The following TBC1D5 variants were observed in gnomAD, a reference collection of about 807,000 sequenced individuals.
TBC1D5 encodes TBC1 domain family member 5, also known as TBC1 domain family, member 5.
In TBC1D5, 75 loss-of-function variants were observed where a neutral mutation model predicts 100.3. The ratio of observed to expected loss-of-function variants is 0.75; its 90% confidence interval spans 0.62 to 0.91. The LOEUF (loss-of-function observed/expected upper bound fraction) is 0.91, where lower values mean the gene tolerates loss of function less well. Ranked by LOEUF, TBC1D5 falls within the 40% of genes least tolerant of loss-of-function variation. The probability of loss-of-function intolerance (pLI) is 0.00; values close to 1 mark genes in which losing one functional copy is unlikely to be tolerated. For synonymous variants in TBC1D5, 323 were observed against 325.6 expected (o/e 0.99, Z 0.09); for missense variants, 910 against 942.4 (o/e 0.97, Z 0.45).
chr3:17,680,824 C>G (rs1368553620), intron 1 of TBC1D5, among the ~76,000 whole-genome samples: 1 of 151,276 alleles, frequency 6.6e-6, no homozygotes, highest in African/African-American at 2.5e-5. Flanking sequence ...ACAGGGTCCC[C>G]TTTTTTGTTT....
chr3:17,356,777 T>C (rs781100242), intron 13 of TBC1D5, among the ~76,000 whole-genome samples: 1 of 152,090 alleles, frequency 6.6e-6, no homozygotes, highest in Non-Finnish European at 1.5e-5. Context: ...CAGGTAGCTA[T>C]GGAAACACAC....
chr3:17,557,564 T>C (rs2153463981), intron 2 of TBC1D5, among the ~76,000 whole-genome samples: 1 of 152,304 alleles, frequency 6.6e-6, no homozygotes, highest in Admixed American at 6.5e-5. Flanking sequence ...GTTATTGTTG[T>C]TTTTGAGACA....
chr3:17,438,311 G>A (rs2094574273), intron 3 of TBC1D5, among the ~76,000 whole-genome samples: 1 of 152,082 alleles, frequency 6.6e-6, no homozygotes, highest in Non-Finnish European at 1.5e-5. Context: ...ATAGTATTAA[G>A]GCCATAAAAG....
intron 2 of TBC1D5, among the ~76,000 whole-genome samples, chr3:17,574,260 T>A (rs746959418): frequency 6.6e-6 from 1 of 152,032 alleles, no homozygotes; most frequent in Non-Finnish European, 1.5e-5. Context: ...GCTCCTTCCA[T>A]TGCCTCCAAA....
chr3:17,628,778 T>C (rs2063269666), intron 1 of TBC1D5, among the ~76,000 whole-genome samples: 1 of 152,224 alleles, frequency 6.6e-6, no homozygotes, highest in East Asian at 1.9e-4. Flanking sequence ...CTAACTCTAC[T>C]AAAAGATATT....
intron 21 of TBC1D5, among the ~76,000 whole-genome samples, chr3:17,162,891 T>A (rs1009024154): frequency 6.6e-6 from 1 of 152,216 alleles, no homozygotes; most frequent in African/African-American, 2.4e-5. Flanking sequence ...ATAGGACAGT[T>A]GTCCTGCACT....
chr3:17,203,346 GT>G (rs903182053), intron 18 of TBC1D5, among the ~76,000 whole-genome samples: 6 of 152,186 alleles, frequency 3.9e-5, no homozygotes, highest in African/African-American at 1.4e-4. Context: ...GAAGTAACTA[GT>G]TTTTAATTTT....
rs919206947 is a variant in TBC1D5 at position 17,207,371 on chromosome 3, A to G, written c.1752+6836T>C. 2.0e-5 allele frequency among the ~76,000 whole-genome samples: 3 copies of G among 152,364 alleles called. 1 individual carries two copies. Among genetic ancestry groups the G allele is most frequent in the Middle Eastern group, 6.8e-3 (2 of 294 alleles). Reference sequence around the variant, plus strand: ...TAAAATAAAGCATAAAATTAAAAGTATCAAAATGTTTTACTTTCTCTTCAA... The same window carrying G: ...TAAAATAAAGCATAAAATTAAAAGTGTCAAAATGTTTTACTTTCTCTTCAA... On this transcript the variant is annotated intron_variant, in intron 18 of 21. Coordinates refer to ENST00000253692, the Ensembl canonical transcript of TBC1D5.
chr3:17,297,469 G>A (rs1483727906), intron 14 of TBC1D5, among the ~76,000 whole-genome samples: 2 of 151,870 alleles, frequency 1.3e-5, no homozygotes, highest in South Asian at 2.1e-4. Context: ...CCAGCTACTC[G>A]GGAGGCTGAC....
chr3:17,296,779 C>G (rs934263162), intron 14 of TBC1D5, among the ~76,000 whole-genome samples: 2 of 152,212 alleles, frequency 1.3e-5, no homozygotes, highest in Non-Finnish European at 2.9e-5. Flanking sequence ...AACACATACT[C>G]TTATGTAAAC....
intron 2 of TBC1D5, among the ~76,000 whole-genome samples, chr3:17,590,341 G>C (rs2096758816): frequency 6.6e-6 from 1 of 152,210 alleles, no homozygotes; most frequent in Admixed American, 6.5e-5. Flanking sequence ...GCAGCTAGAG[G>C]AGTTAAAACA....
intron 3 of TBC1D5, among the ~76,000 whole-genome samples, chr3:17,471,016 T>C (rs2095366688): frequency 6.6e-6 from 1 of 152,210 alleles, no homozygotes; most frequent in Non-Finnish European, 1.5e-5. Flanking sequence ...GACGATACCA[T>C]ATCACTAAAA....
intron 8 of TBC1D5, among the ~76,000 whole-genome samples, chr3:17,393,657 A>T (rs1283163114): frequency 6.6e-6 from 1 of 152,156 alleles, no homozygotes; most frequent in Non-Finnish European, 1.5e-5. Context: ...CAGAGGCCTG[A>T]GAAATAATAC....
chr3:17,166,713 A>G, intron 21 of TBC1D5, 54 bp downstream of exon 22: 1 of 1,561,494 alleles, frequency 6.4e-7, no homozygotes, highest in Non-Finnish European at 8.6e-7. Context: ...TGAGGAACTT[A>G]TGTGAATGTG....
intron 1 of TBC1D5, among the ~76,000 whole-genome samples, chr3:17,646,749 G>GTAT: frequency 6.6e-6 from 1 of 152,210 alleles, no homozygotes; most frequent in South Asian, 2.1e-4. Flanking sequence ...ACAGTTGGTA[G>GTAT]TATCCATGGT....
At chr3:17,705,298 A>ACCC (rs1234664642) in intron 1 of TBC1D5, among the ~76,000 whole-genome samples, 1 of 66,188 alleles carries the variant, frequency 1.5e-5, no homozygotes. Flanking sequence ...CGGGGGGCTG[A>ACCC]CCCCCCCACC....
intron 8 of TBC1D5, among the ~76,000 whole-genome samples, chr3:17,385,585 C>T (rs1323497464): frequency 2.0e-5 from 3 of 150,996 alleles, no homozygotes; most frequent in Non-Finnish European, 2.9e-5. Flanking sequence ...ATCTTTTTTT[C>T]TGGTCCTAAT....
At chr3:17,367,146 T>C (rs1222220972) in intron 13 of TBC1D5, among the ~76,000 whole-genome samples, 23 of 152,206 alleles carry the variant, frequency 1.5e-4, no homozygotes, top group Admixed American at 1.4e-3. Flanking sequence ...ACAGATTCAA[T>C]ACATTTAAAA....
intron 2 of TBC1D5, among the ~76,000 whole-genome samples, chr3:17,538,405 C>G (rs745702237): frequency 6.6e-6 from 1 of 152,114 alleles, no homozygotes; most frequent in Admixed American, 6.5e-5. Flanking sequence ...CAAGTGAACA[C>G]GTGCACAACT....
Sources: gnomAD v4.1 joint callset for allele counts (sites outside exome capture counted in the v4.1 genomes callset) on GRCh38, gnomAD v4.1.1 for gene constraint, MANE v1.5 for transcripts, NCBI Gene and HGNC (gene_info 2026-07-23, HGNC 2026-07-21) for gene names.